Variants in DLG1 observed in about 807,000 individuals in gnomAD.
The protein encoded by DLG1 is discs large MAGUK scaffold protein 1, also known as disks large homolog 1.
In DLG1, 42 loss-of-function variants were observed where a neutral mutation model predicts 123.4. The observed-to-expected ratio is 0.34, with a 90% CI of 0.27 to 0.44. The LOEUF is 0.44. Among genes scored for constraint, DLG1 ranks in the 20% least tolerant of loss-of-function variants. The pLI is 1.00. For missense variants in DLG1, 942 were observed against 1,082.6 expected (o/e 0.87, Z 1.82); for synonymous variants, 317 against 356.2 (o/e 0.89, Z 1.24).
chr3:197,274,323 G>A (rs1199416123), intron 4 of DLG1, among the ~76,000 whole-genome samples: 1 of 152,058 alleles, frequency 6.6e-6, no homozygotes, highest in African/African-American at 2.4e-5. Flanking sequence ...TGAAAAAGAA[G>A]CCAAAAACAC....
rs1439168464 is a variant in DLG1 at position 197,044,569 on chromosome 3, G to A, written c.*54C>T. ...GAAAGACTCCAGAGGAAAGGGCAAA[G>A]AGATGCCAAAGAAAATGGAATTGTG... On this transcript the variant is annotated 3_prime_UTR_variant, in exon 25 of 25. Coordinates refer to ENST00000667157, the MANE Select transcript of DLG1 (RefSeq NM_001366207.1). The A allele has an allele frequency of 2.4e-6, 3 of 1,270,176 alleles. No individual in the cohort carries two copies. Among genetic ancestry groups the A allele is most frequent in the South Asian group, 1.3e-5 (1 of 79,684 alleles). 78.7% of individuals were successfully genotyped at this position (1,270,176 alleles called of 1,614,324 possible). A position where few individuals can be genotyped will look rare whatever the true frequency, so the allele number is the denominator to read the frequency against.
intron 23 of DLG1, among the ~76,000 whole-genome samples, chr3:197,057,100 C>T (rs953748241): frequency 2.6e-5 from 4 of 151,618 alleles, no homozygotes; most frequent in African/African-American, 7.3e-5. Flanking sequence ...TTTAGAGACA[C>T]GGCCTCACTC....
At chr3:197,238,219 T>C (rs338184) in intron 4 of DLG1, among the ~76,000 whole-genome samples, 87,363 of 151,908 alleles carry the variant, frequency 0.58, 25,466 homozygotes, top group East Asian at 0.79. Flanking sequence ...TAGCGTCTCA[T>C]AATACAAAAA....
intron 4 of DLG1, among the ~76,000 whole-genome samples, chr3:197,273,232 A>AT (rs1207219287): frequency 2.2e-5 from 3 of 138,876 alleles, no homozygotes; most frequent in Non-Finnish European, 3.2e-5. Flanking sequence ...ATATATATAT[A>AT]TTTTTTTCTT....
intron 4 of DLG1, among the ~76,000 whole-genome samples, chr3:197,261,016 A>G (rs1759179903): frequency 6.6e-6 from 1 of 152,160 alleles, no homozygotes; most frequent in Admixed American, 6.6e-5. Flanking sequence ...GGCAAATTTT[A>G]ACTTTACTGC....
In DLG1 at chr3:197,044,070, A is replaced by G. The variant is rs1721479009; in HGVS notation, c.*553T>C. 1 of 152,228 alleles carries G rather than the reference A, an allele frequency of 6.6e-6. No homozygotes were observed. Among genetic ancestry groups the G allele is most frequent in the Non-Finnish European group, 1.5e-5 (1 of 68,030 alleles). The allele number at this position is 152,228 out of a possible 1,614,324, so 9.4% of individuals were successfully genotyped here. Reference sequence around the variant, plus strand: ...TGTTGAGGAAAAAATGAAATCCCTTATGAAAGTCAACTCAGACATGAATTT... The same window carrying G: ...TGTTGAGGAAAAAATGAAATCCCTTGTGAAAGTCAACTCAGACATGAATTT... On this transcript the variant is annotated 3_prime_UTR_variant, in exon 25 of 25. Coordinates refer to ENST00000667157, the MANE Select transcript of DLG1 (RefSeq NM_001366207.1).
In DLG1 at chr3:197,076,174, G is replaced by T. The variant is rs116431986; in HGVS notation, c.2005+412C>A. Among the ~76,000 whole-genome samples, 1,296 of 152,048 alleles carry T rather than the reference G, an allele frequency of 8.5e-3. 17 individuals are homozygous for T. The highest frequency in any genetic ancestry group is 0.03 in the African/African-American group (1,228 of 41,468). On this transcript the variant is annotated intron_variant, in intron 18 of 24. Coordinates refer to ENST00000667157, the MANE Select transcript of DLG1 (RefSeq NM_001366207.1). ...TTGTCTACATATAATGAAGAAATAG[G>T]GTAAAATGTAATGATTCCAGAGAAT...
chr3:197,046,665 T>C (rs771003555), intron 24 of DLG1, among the ~76,000 whole-genome samples: 3 of 151,774 alleles, frequency 2.0e-5, no homozygotes, highest in Non-Finnish European at 4.4e-5. Flanking sequence ...ATTGGATGAG[T>C]TTGAGACCAG....
intron 5 of DLG1, among the ~76,000 whole-genome samples, chr3:197,183,367 G>C (rs1320027304): frequency 6.6e-6 from 1 of 152,024 alleles, no homozygotes; most frequent in Non-Finnish European, 1.5e-5. Flanking sequence ...AGGCTATTTT[G>C]TTTGGTATTA....
rs531336987 is a variant in DLG1 at position 197,180,387 on chromosome 3, C to A, written c.483+14038G>T. Among the ~76,000 whole-genome samples the A allele has an allele frequency of 5.0e-4, 76 of 152,094 alleles. No homozygotes were observed. In the South Asian group the frequency reaches 0.015, roughly 31 times the overall value. The stretch of plus-strand genomic sequence containing the variant: ...TAGGACGGGGCCGATTATTGAGTGA[C>A]CCTCAACACAAGAATAGGAGGGACG... On this transcript the variant is annotated intron_variant, in intron 5 of 24. Coordinates refer to ENST00000667157, the MANE Select transcript of DLG1 (RefSeq NM_001366207.1).
intron 14 of DLG1, among the ~76,000 whole-genome samples, chr3:197,104,273 A>C (rs1046153858): frequency 6.6e-6 from 1 of 152,220 alleles, no homozygotes; most frequent in Non-Finnish European, 1.5e-5. Context: ...TAAAAGGGAC[A>C]TTAAAAGCTA....
At chr3:197,278,140 C>T (rs1767417440) in intron 4 of DLG1, among the ~76,000 whole-genome samples, 2 of 150,592 alleles carry the variant, frequency 1.3e-5, no homozygotes, top group African/African-American at 4.9e-5. Flanking sequence ...AAAAATTAGC[C>T]GTGTATGATG....
In DLG1 at chr3:197,104,422, C is replaced by T. The variant is rs1035829095; in HGVS notation, c.1546+481G>A. Among the ~76,000 whole-genome samples the T allele has an allele frequency of 4.6e-5, 7 of 152,076 alleles. 1 individual carries two copies. In the South Asian group the frequency reaches 1.2e-3, roughly 27 times the overall value. The stretch of plus-strand genomic sequence containing the variant: ...TTTGGCAGGGTGCAGTGGCTCACAC[C>T]GGTAATCACAGCACTTTGGGAGGCT... On this transcript the variant is annotated intron_variant, in intron 14 of 24. Transcript: ENST00000667157.
chr3:197,099,926 T>C (rs1177898216), intron 14 of DLG1, among the ~76,000 whole-genome samples: 1 of 152,152 alleles, frequency 6.6e-6, no homozygotes. Flanking sequence ...ACCCCACGTA[T>C]ACCAAAACCC....
chr3:197,201,886 C>G, intron 4 of DLG1, among the ~76,000 whole-genome samples: 1 of 151,888 alleles, frequency 6.6e-6, no homozygotes, highest in East Asian at 1.9e-4. Flanking sequence ...AGTGAAATAA[C>G]TCAGACACAG....
intron 4 of DLG1, among the ~76,000 whole-genome samples, chr3:197,268,587 A>T (rs1208211959): frequency 6.8e-6 from 1 of 145,994 alleles, no homozygotes; most frequent in African/African-American, 2.5e-5. Context: ...ACCACGCCTA[A>T]TTTTTTTTTT....
intron 11 of DLG1, among the ~76,000 whole-genome samples, chr3:197,125,438 T>C (rs568818197): frequency 2.6e-5 from 4 of 152,272 alleles, no homozygotes; most frequent in African/African-American, 9.6e-5. Flanking sequence ...GACTTGAAGA[T>C]GTGCAATGAA....
At chr3:197,058,124 G>A (rs1166080415) in intron 23 of DLG1, among the ~76,000 whole-genome samples, 5 of 151,894 alleles carry the variant, frequency 3.3e-5, no homozygotes, top group East Asian at 1.9e-4. Context: ...GACCACAGGC[G>A]CACACCACCA....
At chr3:197,167,038 A>C (rs1801804646) in intron 5 of DLG1, among the ~76,000 whole-genome samples, 1 of 152,188 alleles carries the variant, frequency 6.6e-6, no homozygotes, top group Admixed American at 6.5e-5. Flanking sequence ...GTACTCAAAG[A>C]GGATGACAAA....
Sources: gnomAD v4.1 joint callset for allele counts (sites outside exome capture counted in the v4.1 genomes callset) on GRCh38, gnomAD v4.1.1 for gene constraint, MANE v1.5 for transcripts, NCBI Gene and HGNC (gene_info 2026-07-23, HGNC 2026-07-21) for gene names.